SMARCC1: variants seen among roughly 807,000 people sequenced by gnomAD.
The protein encoded by SMARCC1 is SWI/SNF complex subunit SMARCC1.
Under a neutral mutation model 147.4 loss-of-function variants are expected in SMARCC1, and 43 were observed. The observed-to-expected ratio is 0.29, with a 90% CI of 0.23 to 0.38. SMARCC1 has a LOEUF of 0.38. SMARCC1 is among the 10% of genes least tolerant of loss of function. The probability of loss-of-function intolerance (pLI) is 1.00; values close to 1 mark genes in which losing one functional copy is unlikely to be tolerated. For synonymous variants in SMARCC1, 495 were observed against 484.4 expected (o/e 1.02, Z -0.29); for missense variants, 1,119 against 1,381.1 (o/e 0.81, Z 3.01).
intron 2 of SMARCC1, among the ~76,000 whole-genome samples, chr3:47,757,354 C>T (rs932862930): frequency 2.0e-5 from 3 of 152,018 alleles, no homozygotes; most frequent in African/African-American, 7.2e-5. Flanking sequence ...GCCAAGTGGC[C>T]AATAAATAAA....
At chr3:47,693,488 A>G (rs2033814191) in intron 11 of SMARCC1, among the ~76,000 whole-genome samples, 188 bp from the exon 12 acceptor site, 1 of 152,182 alleles carries the variant, frequency 6.6e-6, no homozygotes, top group Non-Finnish European at 1.5e-5. Context: ...CTCATTACCC[A>G]AGCACCATAT....
At chr3:47,717,319 A>G (rs1012356382) in intron 7 of SMARCC1, among the ~76,000 whole-genome samples, 2 of 152,198 alleles carry the variant, frequency 1.3e-5, no homozygotes, top group African/African-American at 2.4e-5. Flanking sequence ...AATAAACCAT[A>G]GTGCTGCCAT....
chr3:47,657,922 T>A (rs771945563), intron 21 of SMARCC1, among the ~76,000 whole-genome samples: 46 of 152,020 alleles, frequency 3.0e-4, no homozygotes, highest in African/African-American at 1.1e-3. Context: ...TATACAGCTG[T>A]AAACACCTAC....
intron 1 of SMARCC1, among the ~76,000 whole-genome samples, chr3:47,773,415 CAAAAA>C (rs751850101): frequency 1.4e-5 from 1 of 71,002 alleles, no homozygotes; most frequent in Non-Finnish European, 2.9e-5. Context: ...TGTTTTTTAC[CAAAAA>C]AAAAAAAAAA....
chr3:47,633,735 C>G (rs2032922939), intron 24 of SMARCC1, among the ~76,000 whole-genome samples: 2 of 88,912 alleles, frequency 2.2e-5, no homozygotes, highest in Non-Finnish European at 3.9e-5. Context: ...CAGAGTGAGA[C>G]TGTCTCAAAA....
At position 47,675,463 on chromosome 3, in the gene SMARCC1, T is replaced by C; in HGVS notation, c.1839+12A>G. ...TGCTGGATTGCAGCCCATGTGTGAT[T>C]AGAAAAATTACCTTTGCTAATGTTT... On this transcript the variant is annotated intron_variant, in intron 18 of 27. Transcript: ENST00000254480. 7.2e-7 allele frequency: 1 copy of C among 1,382,420 alleles called. No individual in the cohort carries two copies. The highest frequency in any genetic ancestry group is 1.0e-6 in the Non-Finnish European group (1 of 969,312). The allele number at this position is 1,382,420 out of a possible 1,614,324, so 85.6% of individuals were successfully genotyped here.
chr3:47,744,217 C>G (rs924443397), intron 3 of SMARCC1, among the ~76,000 whole-genome samples: 1 of 152,142 alleles, frequency 6.6e-6, no homozygotes, highest in Non-Finnish European at 1.5e-5. Flanking sequence ...TCTCAGCTCA[C>G]TGCAACCTCC....
chr3:47,651,081 G>C (rs2106721879), intron 21 of SMARCC1, among the ~76,000 whole-genome samples: 1 of 152,262 alleles, frequency 6.6e-6, no homozygotes, highest in South Asian at 2.1e-4. Flanking sequence ...AAGGCAGGCA[G>C]ATTGCTGGAG....
rs946421820 is a variant in SMARCC1, at chr3:47,588,021, G to A, written c.*188C>T. ...ACTACAGGTTTCCCCTTGAGTGTTG[G>A]CTGAGGACCCAACACAAAAAGTGTC... On this transcript the variant is annotated 3_prime_UTR_variant, in exon 28 of 28. Transcript: ENST00000254480. The A allele has an allele frequency of 1.0e-5, 6 of 581,206 alleles. No homozygotes were observed. The African/African-American group carries it at 1.1e-4, about 11-fold the overall frequency. The allele number at this position is 581,206 out of a possible 1,614,324, so 36.0% of individuals were successfully genotyped here.
At chr3:47,635,055 A>T (rs2032950079) in intron 24 of SMARCC1, 135 bp downstream of exon 24, 1 of 727,928 alleles carries the variant, frequency 1.4e-6, no homozygotes, top group African/African-American at 1.8e-5. Flanking sequence ...GGATTTCTTA[A>T]CCTAGAAATG....
At chr3:47,622,104 G>C (rs1398690328) in intron 25 of SMARCC1, 103 bp downstream of exon 25, 21 of 1,011,438 alleles carry the variant, frequency 2.1e-5, no homozygotes, top group Non-Finnish European at 2.9e-5. Context: ...GTTAGCCATG[G>C]AGACCAAGAG....
chr3:47,701,196 C>G, intron 11 of SMARCC1, 82 bp downstream of exon 11: 1 of 1,196,578 alleles, frequency 8.4e-7, no homozygotes, highest in Non-Finnish European at 1.2e-6. Flanking sequence ...ACTGTGGACC[C>G]ACAGCAAGCA....
intron 14 of SMARCC1, among the ~76,000 whole-genome samples, chr3:47,682,366 A>T (rs6772301): frequency 0.59 from 90,210 of 151,646 alleles, 28,127 homozygotes; most frequent in East Asian, 0.72. Flanking sequence ...GTAACCTAGA[A>T]CTCCTAAGCT....
intron 14 of SMARCC1, among the ~76,000 whole-genome samples, chr3:47,683,552 T>C (rs957834043): frequency 1.3e-5 from 2 of 151,908 alleles, no homozygotes; most frequent in Non-Finnish European, 2.9e-5. Context: ...GCAAAAGGTA[T>C]AAAAAGTACC....
At chr3:47,703,382 TG>T (rs1284554090) in intron 10 of SMARCC1, among the ~76,000 whole-genome samples, 1 of 152,220 alleles carries the variant, frequency 6.6e-6, no homozygotes, top group African/African-American at 2.4e-5. Flanking sequence ...AGCACTGTCT[TG>T]TTTTAATTAT....
At chr3:47,753,382 A>G (rs1019039844) in intron 2 of SMARCC1, among the ~76,000 whole-genome samples, 2 of 151,010 alleles carry the variant, frequency 1.3e-5, no homozygotes, top group African/African-American at 4.9e-5. Flanking sequence ...AATTTGTGCC[A>G]TGGATTCCTT....
chr3:47,661,374 G>C lies in SMARCC1; in HGVS notation c.2240C>G (p.Ala747Gly), dbSNP rs776032384. ...HVKKVQEAAR[A>G]SGKVDPTYGL... ...GTAGGTGGGATCCACTTTCCCAGAG[G>C]CTCGTGCTGCTTCTTGTACTTTCTT... The change falls in exon 21 of 28, where the codon GCC (alanine) becomes GGC (glycine). Residue 747 changes from alanine to glycine, a missense_variant. Coordinates refer to ENST00000254480, the MANE Select transcript of SMARCC1 (RefSeq NM_003074.4). 1 of 1,613,688 alleles carries C rather than the reference G, an allele frequency of 6.2e-7. No homozygotes were observed. The highest frequency in any genetic ancestry group is 8.5e-7 in the Non-Finnish European group (1 of 1,179,718).
At chr3:47,614,764 C>CA (rs1381819214) in intron 25 of SMARCC1, among the ~76,000 whole-genome samples, 2 of 152,308 alleles carry the variant, frequency 1.3e-5, no homozygotes, top group Non-Finnish European at 2.9e-5. Flanking sequence ...ACACAGTAGA[C>CA]AGAGTGATCC....
intron 21 of SMARCC1, among the ~76,000 whole-genome samples, chr3:47,656,148 T>C (rs535049389): frequency 6.6e-6 from 1 of 151,840 alleles, no homozygotes; most frequent in South Asian, 2.1e-4. Context: ...GAGGCGGAGG[T>C]TGCAGTGAGC....
Sources: gnomAD v4.1 joint callset for allele counts (sites outside exome capture counted in the v4.1 genomes callset) on GRCh38, gnomAD v4.1.1 for gene constraint, MANE v1.5 for transcripts, NCBI Gene and HGNC (gene_info 2026-07-23, HGNC 2026-07-21) for gene names.